MID1: variants seen among roughly 807,000 people sequenced by gnomAD.
MID1 encodes the protein midline 1, also known as E3 ubiquitin-protein ligase Midline-1.
In MID1, 7 loss-of-function variants were observed where a neutral mutation model predicts 40.4. That is an observed-to-expected ratio of 0.17 (90% CI 0.10 to 0.33). The LOEUF (loss-of-function observed/expected upper bound fraction) is 0.33. Among genes scored for constraint, MID1 ranks in the 10% least tolerant of loss-of-function variants. The pLI, the probability that MID1 is intolerant of heterozygous loss-of-function variation, is 1.00. For synonymous variants in MID1, 229 were observed against 221.2 expected (o/e 1.04, Z -0.31); for missense variants, 367 against 558.5 (o/e 0.66, Z 3.46).
intron 4 of MID1, among the ~76,000 whole-genome samples, chrX:10,491,300 C>T (rs1930936903): frequency 8.9e-6 from 1 of 111,789 alleles, no homozygotes; most frequent in Non-Finnish European, 1.9e-5. Flanking sequence ...TGTTTGTTTC[C>T]TGTTTTTCTT....
At chrX:10,455,477 G>A (rs192509019) in intron 8 of MID1, among the ~76,000 whole-genome samples, 3 of 111,413 alleles carry the variant, frequency 2.7e-5, no homozygotes, top group Non-Finnish European at 5.6e-5. Flanking sequence ...CATAGGGTGA[G>A]CTAGCTTCAC....
intron 1 of MID1, among the ~76,000 whole-genome samples, chrX:10,781,953 CA>C (rs2043849383): frequency 8.9e-6 from 1 of 111,872 alleles, no homozygotes; most frequent in African/African-American, 3.2e-5. Context: ...ATCTCACATG[CA>C]AATAATCTGT....
chrX:10,471,251 T>TTGA (rs753530191), intron 6 of MID1, among the ~76,000 whole-genome samples: 41 of 112,438 alleles, frequency 3.6e-4, no homozygotes, highest in African/African-American at 1.3e-3. Flanking sequence ...ATGATTAGAA[T>TTGA]TGATGAGTCC....
chrX:10,571,024 T>C (rs773038243), intron 1 of MID1, among the ~76,000 whole-genome samples: 15 of 112,483 alleles, frequency 1.3e-4, no homozygotes, highest in Non-Finnish European at 5.6e-5. Flanking sequence ...GGAAATGATA[T>C]GCAATGGGCT....
chrX:10,685,874 TC>T (rs2043092129), intron 1 of MID1, among the ~76,000 whole-genome samples: 1 of 30,043 alleles, frequency 3.3e-5, no homozygotes, highest in African/African-American at 1.6e-4. Flanking sequence ...CCCCACATAC[TC>T]ATACACACAC....
intron 2 of MID1, chrX:10,565,232 GGT>G (rs1312769602): frequency 3.0e-6 from 1 of 331,098 alleles, no homozygotes. Context: ...TCCTCTACAT[GGT>G]TTAAAGATGG....
chrX:10,474,908 T>A (rs778035353), intron 5 of MID1, 158 bp from the exon 6 acceptor site: 2 of 526,645 alleles, frequency 3.8e-6, no homozygotes, highest in African/African-American at 4.6e-5. Flanking sequence ...CACAGTAACA[T>A]AAAACAAATG....
At chrX:10,719,313 A>C (rs1270595976) in intron 1 of MID1, among the ~76,000 whole-genome samples, 97 of 111,715 alleles carry the variant, frequency 8.7e-4, no homozygotes, top group Admixed American at 1.5e-3. Flanking sequence ...GTCTCAGCCC[A>C]AAATCTCCTT....
chrX:10,668,015 A>C (rs1373016268), intron 1 of MID1, among the ~76,000 whole-genome samples: 1 of 112,324 alleles, frequency 8.9e-6, no homozygotes. Flanking sequence ...CATGTATTGC[A>C]TGGTTTTAGA....
At chrX:10,684,408 CTT>C (rs749267236) in intron 1 of MID1, among the ~76,000 whole-genome samples, 1 of 92,343 alleles carries the variant, frequency 1.1e-5, no homozygotes, top group African/African-American at 4.1e-5. Flanking sequence ...TCTTTCTTTT[CTT>C]TTTTTTTTTT....
At chrX:10,670,805 A>T (rs1334555309) in intron 1 of MID1, among the ~76,000 whole-genome samples, 2 of 112,191 alleles carry the variant, frequency 1.8e-5, no homozygotes, top group Non-Finnish European at 1.9e-5. Flanking sequence ...GAATGTACAC[A>T]ATGGCTCTGC....
At chrX:10,708,798 T>A (rs989423410) in intron 1 of MID1, among the ~76,000 whole-genome samples, 4 of 112,015 alleles carry the variant, frequency 3.6e-5, no homozygotes, top group African/African-American at 1.3e-4. Flanking sequence ...TTTAAACAAC[T>A]AGAGCATGGA....
chrX:10,501,632 T>A, intron 3 of MID1: 1 of 889,863 alleles, frequency 1.1e-6, no homozygotes. Context: ...CTGGCCTGCC[T>A]AGTCCTGAGA....
At chrX:10,636,785 G>GATAGATATATAT (rs1555911853) in intron 1 of MID1, among the ~76,000 whole-genome samples, 2 of 42,719 alleles carry the variant, frequency 4.7e-5, no homozygotes, top group South Asian at 1.4e-3. Context: ...CAACAATGGG[G>GATAGATATATAT]ATATATATAT....
At chrX:10,547,128 C>CA (rs1171386056) in intron 2 of MID1, among the ~76,000 whole-genome samples, 1 of 111,405 alleles carries the variant, frequency 9.0e-6, no homozygotes, top group Admixed American at 9.6e-5. Context: ...CCCATCTCTA[C>CA]AAAAAAATAC....
At chrX:10,484,036 G>A (rs1368834991) in intron 4 of MID1, among the ~76,000 whole-genome samples, 1 of 112,176 alleles carries the variant, frequency 8.9e-6, no homozygotes, top group Non-Finnish European at 1.9e-5. Context: ...TGGATTAATT[G>A]TATTCATTAG....
chrX:10,494,879 C>A (rs1931163813), intron 4 of MID1, among the ~76,000 whole-genome samples: 1 of 106,454 alleles, frequency 9.4e-6, no homozygotes, highest in African/African-American at 3.4e-5. Context: ...TCAATAAAAA[C>A]ATGACTAATT....
chrX:10,451,574 G>A (rs745381381), intron 9 of MID1, among the ~76,000 whole-genome samples: 1 of 111,776 alleles, frequency 8.9e-6, no homozygotes, highest in Non-Finnish European at 1.9e-5. Flanking sequence ...TGGTTTGGCT[G>A]TGTCCCCACC....
intron 1 of MID1, among the ~76,000 whole-genome samples, chrX:10,800,257 G>T (rs771033305): frequency 8.9e-6 from 1 of 112,086 alleles, no homozygotes; most frequent in Non-Finnish European, 1.9e-5. Context: ...GGAATTGAGG[G>T]TGGTCTCTGG....
Sources: allele counts gnomAD v4.1 joint callset (sites outside exome capture counted in the v4.1 genomes callset), GRCh38; gene constraint gnomAD v4.1.1; transcripts MANE v1.5; gene names NCBI Gene and HGNC (gene_info 2026-07-23, HGNC 2026-07-21).